The following CDH18 variants were observed in gnomAD, a reference collection of about 807,000 sequenced individuals.
CDH18 encodes the protein cadherin 18, also known as cadherin-18.
Under a neutral mutation model 67.9 loss-of-function variants are expected in CDH18, and 31 were observed. The ratio of observed to expected loss-of-function variants is 0.46; its 90% CI spans 0.34 to 0.62. The LOEUF is 0.62. CDH18 is among the 20% of genes least tolerant of loss of function. The probability of loss-of-function intolerance (pLI) is 0.01; values close to 1 mark genes in which losing one functional copy is unlikely to be tolerated. For synonymous variants in CDH18, 362 were observed against 347.2 expected (o/e 1.04, Z -0.48); for missense variants, 890 against 975.5 (o/e 0.91, Z 1.17).
intron 2 of CDH18, among the ~76,000 whole-genome samples, chr5:19,846,013 T>G (rs1441394085): frequency 6.6e-6 from 1 of 151,992 alleles, no homozygotes; most frequent in Non-Finnish European, 1.5e-5. Context: ...AAGTAATAAT[T>G]GAGAGGGAAG....
chr5:19,603,401 C>A (rs953371196), intron 6 of CDH18, among the ~76,000 whole-genome samples: 1 of 152,012 alleles, frequency 6.6e-6, no homozygotes, highest in African/African-American at 2.4e-5. Context: ...CAAAGTTTTA[C>A]TTTTGCAAGA....
intron 2 of CDH18, among the ~76,000 whole-genome samples, chr5:20,119,557 C>T (rs1748185317): frequency 1.3e-5 from 2 of 152,106 alleles, no homozygotes; most frequent in Admixed American, 1.3e-4. Context: ...AATATGATAA[C>T]AGTTACAGGG....
intron 2 of CDH18, among the ~76,000 whole-genome samples, chr5:20,010,713 T>A (rs770418721): frequency 1.3e-5 from 2 of 152,210 alleles, no homozygotes; most frequent in Non-Finnish European, 2.9e-5. Flanking sequence ...TGGTTGTGCC[T>A]TCTCAAGCTG....
chr5:19,737,920 A>T (rs1000925442), intron 4 of CDH18, among the ~76,000 whole-genome samples: 2 of 152,190 alleles, frequency 1.3e-5, no homozygotes, highest in African/African-American at 4.8e-5. Flanking sequence ...TCAGTAAGAA[A>T]GAAACAACAT....
intron 1 of CDH18, among the ~76,000 whole-genome samples, chr5:20,437,572 C>T (rs867002695): frequency 6.6e-6 from 1 of 151,090 alleles, no homozygotes; most frequent in African/African-American, 2.4e-5. Flanking sequence ...CTGATATTTT[C>T]AATTTCATCA....
intron 6 of CDH18, among the ~76,000 whole-genome samples, chr5:19,596,454 A>C (rs964827197): frequency 9.9e-5 from 15 of 152,240 alleles, no homozygotes; most frequent in Non-Finnish European, 2.2e-4. Flanking sequence ...TCCAAGGTCC[A>C]ACTAAACCAG....
chr5:19,950,679 A>G (rs536228404), intron 2 of CDH18, among the ~76,000 whole-genome samples: 1 of 152,308 alleles, frequency 6.6e-6, no homozygotes, highest in African/African-American at 2.4e-5. Context: ...TTACCAAATA[A>G]AAGTTGATAT....
upstream of CDH18, chr5:19,988,236 TG>T (rs1420426148): frequency 6.6e-6 from 1 of 152,104 alleles, no homozygotes; most frequent in East Asian, 1.9e-4. Flanking sequence ...GCTCCGAGGC[TG>T]GGTCTCTGCA....
intron 4 of CDH18, among the ~76,000 whole-genome samples, chr5:19,733,034 C>T (rs182756583): frequency 2.0e-5 from 3 of 152,178 alleles, no homozygotes; most frequent in South Asian, 4.2e-4. Flanking sequence ...TAGCTAATAT[C>T]GGTCATGATC....
At chr5:19,692,531 A>T (rs184090413) in intron 5 of CDH18, among the ~76,000 whole-genome samples, 36 of 152,204 alleles carry the variant, frequency 2.4e-4, no homozygotes, top group African/African-American at 8.4e-4. Flanking sequence ...CAAATAATTC[A>T]GCGGAAAAAA....
chr5:20,155,411 G>T (rs1475992959), intron 2 of CDH18, among the ~76,000 whole-genome samples: 1 of 151,876 alleles, frequency 6.6e-6, no homozygotes, highest in Non-Finnish European at 1.5e-5. Context: ...CTTTAAAATA[G>T]GGTTATTTCT....
chr5:19,681,062 C>A (rs1211688615), intron 5 of CDH18, among the ~76,000 whole-genome samples: 3 of 151,920 alleles, frequency 2.0e-5, no homozygotes, highest in African/African-American at 7.2e-5. Context: ...TACATATACG[C>A]CATGGAACAC....
intron 2 of CDH18, among the ~76,000 whole-genome samples, chr5:19,896,301 A>G (rs1048782624): frequency 6.6e-6 from 1 of 151,936 alleles, no homozygotes; most frequent in Non-Finnish European, 1.5e-5. Context: ...GTGAGTCGAG[A>G]ACACATCATT....
Position 19,571,749 on chromosome 5 carries a change from C to G in CDH18, c.1083G>C (p.Leu361Phe). 6.2e-7 allele frequency: 1 copy of G among 1,613,878 alleles called. No homozygotes were observed. The highest frequency in any genetic ancestry group is 8.5e-7 in the Non-Finnish European group (1 of 1,179,888). Residue 361 changes from leucine to phenylalanine, a missense_variant, in exon 8 of 13, where the codon TTG (leucine) becomes TTC (phenylalanine). By Grantham distance (22) the Leu-to-Phe change is conservative (BLOSUM62 0). This residue lies in a region of CDH18 where 656 missense variants were observed against 668.1 expected (regional missense o/e 0.98). Transcript: ENST00000382275. ...NTHLDFRFSH[L>F]GPFKDATMLK... Reference sequence around the variant, plus strand: ...GCATAGTAGCATCTTTAAAAGGACCCAAGTGAGAAAAGCGAAAATCAAGAT... The same window carrying G: ...GCATAGTAGCATCTTTAAAAGGACCGAAGTGAGAAAAGCGAAAATCAAGAT...
chr5:20,078,346 C>T (rs952138868), intron 2 of CDH18, among the ~76,000 whole-genome samples: 1 of 151,814 alleles, frequency 6.6e-6, no homozygotes, highest in Non-Finnish European at 1.5e-5. Flanking sequence ...GCCTGTAGTC[C>T]CAGCTACTTG....
intron 2 of CDH18, among the ~76,000 whole-genome samples, chr5:20,101,716 A>C (rs1746483429): frequency 6.6e-6 from 1 of 152,202 alleles, no homozygotes; most frequent in Admixed American, 6.5e-5. Flanking sequence ...TTGCCAGTTT[A>C]AGTCACAAAT....
intron 1 of CDH18, among the ~76,000 whole-genome samples, chr5:20,437,063 G>T (rs1229521297): frequency 6.7e-6 from 1 of 149,070 alleles, no homozygotes; most frequent in African/African-American, 2.6e-5. Flanking sequence ...CTAGTTAATT[G>T]CTAACAAATT....
chr5:20,099,940 C>T (rs150494656), intron 2 of CDH18, among the ~76,000 whole-genome samples: 2,921 of 152,110 alleles, frequency 0.019, 95 homozygotes, highest in African/African-American at 0.064. Context: ...CACACCACCA[C>T]GCCCAGCTCA....
chr5:19,849,585 CAT>C (rs1304153972), intron 2 of CDH18, among the ~76,000 whole-genome samples: 2 of 114,434 alleles, frequency 1.7e-5, no homozygotes, highest in African/African-American at 5.6e-5. Context: ...GCATTTCAAA[CAT>C]ATATATATAA....
Sources: gnomAD v4.1 joint callset for allele counts (sites outside exome capture counted in the v4.1 genomes callset) on GRCh38, gnomAD v4.1.1 for gene constraint, gnomAD v4.1.1 regional missense constraint, MANE v1.5 for transcripts, NCBI Gene and HGNC (gene_info 2026-07-23, HGNC 2026-07-21) for gene names.